Variants in TASP1 observed in about 807,000 individuals in gnomAD.
TASP1 encodes taspase 1.
In TASP1, 16 loss-of-function variants were observed where a neutral mutation model predicts 56.6. The observed-to-expected ratio is 0.28, with a 90% CI of 0.19 to 0.43. The LOEUF (loss-of-function observed/expected upper bound fraction) is 0.43. TASP1 is among the 20% of genes least tolerant of loss of function. The pLI is 1.00. For synonymous variants in TASP1, 179 were observed against 184.2 expected, an observed-to-expected ratio of 0.97 and a Z score of 0.23; for missense variants, 393 against 511.6, an observed-to-expected ratio of 0.77 and a Z score of 2.24.
chr20:13,543,017 A>G (rs187443636), intron 8 of TASP1, among the ~76,000 whole-genome samples: 58 of 152,324 alleles, frequency 3.8e-4, no homozygotes, highest in Admixed American at 1.4e-3. Context: ...AGAGACCAAA[A>G]AAGGCAAAGT....
At chr20:13,312,810 C>A in the TASP1 span, among the ~76,000 whole-genome samples, 2 of 152,194 alleles carry the variant, frequency 1.3e-5, no homozygotes, top group Admixed American at 6.5e-5. Context: ...AGGGAGTGGG[C>A]TTGCCATGAT....
At chr20:13,564,049 T>C (rs2046434321) in intron 7 of TASP1, among the ~76,000 whole-genome samples, 1 of 152,108 alleles carries the variant, frequency 6.6e-6, no homozygotes, top group South Asian at 2.1e-4. Flanking sequence ...TTAGAAGTAC[T>C]AGAACTAGAA....
intron 10 of TASP1, among the ~76,000 whole-genome samples, chr20:13,506,260 C>G (rs1209556651): frequency 6.6e-6 from 1 of 152,066 alleles, no homozygotes; most frequent in Non-Finnish European, 1.5e-5. Context: ...AATCAAGAAT[C>G]TCTCATCCAA....
At chr20:13,190,870 C>A in the TASP1 span, among the ~76,000 whole-genome samples, 1 of 151,854 alleles carries the variant, frequency 6.6e-6, no homozygotes, top group African/African-American at 2.4e-5. Context: ...ATATAAGGAA[C>A]TCAAATAACA....
chr20:13,142,582 A>G, the TASP1 span, among the ~76,000 whole-genome samples: 2 of 152,156 alleles, frequency 1.3e-5, no homozygotes, highest in Non-Finnish European at 2.9e-5. Context: ...TTTCTACATT[A>G]CGAATTACCA....
intron 1 of TASP1, among the ~76,000 whole-genome samples, 190 bp downstream of exon 1, chr20:13,638,704 C>T (rs751911765): frequency 1.3e-5 from 2 of 152,186 alleles, no homozygotes; most frequent in Non-Finnish European, 2.9e-5. Context: ...CCGCCTAGAG[C>T]GACCAAGACT....
At chr20:13,479,910 A>G (rs1007570803) in intron 11 of TASP1, among the ~76,000 whole-genome samples, 1 of 152,204 alleles carries the variant, frequency 6.6e-6, no homozygotes, top group Admixed American at 6.5e-5. Context: ...CCTTTTACAT[A>G]TGAGGAAATT....
chr20:13,153,427 C>G, the TASP1 span, among the ~76,000 whole-genome samples: 1 of 152,142 alleles, frequency 6.6e-6, no homozygotes, highest in African/African-American at 2.4e-5. Flanking sequence ...TCTTTCCTCC[C>G]TTCTATTAGT....
chr20:13,483,380 G>A (rs370466118), intron 10 of TASP1, 43 bp from the exon 11 acceptor site: 38 of 1,390,900 alleles, frequency 2.7e-5, no homozygotes, highest in Middle Eastern at 1.8e-4. Flanking sequence ...AAGCAGCACC[G>A]AACACCCTGC....
the TASP1 span, among the ~76,000 whole-genome samples, chr20:13,330,340 T>C: frequency 1.3e-5 from 2 of 152,222 alleles, no homozygotes; most frequent in African/African-American, 4.8e-5. Flanking sequence ...ATTACATTGA[T>C]TGATTTTTGA....
At position 13,391,694 on chromosome 20, in the gene TASP1, G is replaced by C. The variant is rs111425733; in HGVS notation, c.1171-1242C>G. Among the ~76,000 whole-genome samples, 405 of 152,252 alleles carry C rather than the reference G, an allele frequency of 2.7e-3. 1 individual carries two copies. Among genetic ancestry groups the C allele is most frequent in the Non-Finnish European group, 5.0e-3 (339 of 68,018 alleles). ...TGAAAGAAGTGAGCTTAGGCCGGGC[G>C]TGGTGGCTCACGCTTGTAATCCCAG... On this transcript the variant is annotated intron_variant, in intron 13 of 13. Coordinates refer to ENST00000337743, the MANE Select transcript of TASP1 (RefSeq NM_017714.3).
At chr20:13,153,472 T>A in the TASP1 span, among the ~76,000 whole-genome samples, 1 of 152,140 alleles carries the variant, frequency 6.6e-6, no homozygotes, top group Non-Finnish European at 1.5e-5. Context: ...AGCCCTAATC[T>A]CAGCAGGACT....
At position 13,429,134 on chromosome 20, in the gene TASP1, A is replaced by C. The variant is rs1437650691; in HGVS notation, c.1096+5910T>G. ...ATAACTGAGTTCAGAAAAAAGATTA[A>C]GAAGTGCTGGCCTATGAGAAGGGGC... is the stretch of plus-strand genomic sequence containing the variant. On this transcript the variant is annotated intron_variant, in intron 12 of 13. Transcript: ENST00000337743. Among the ~76,000 whole-genome samples the C allele has an allele frequency of 3.9e-5, 6 of 152,210 alleles. No homozygotes were observed. In the East Asian group the frequency reaches 1.2e-3, roughly 29 times the overall value.
At chr20:13,538,177 T>A (rs1343597763) in intron 8 of TASP1, among the ~76,000 whole-genome samples, 2 of 152,074 alleles carry the variant, frequency 1.3e-5, no homozygotes, top group East Asian at 1.9e-4. Flanking sequence ...AATTTTTTTG[T>A]ATTTTTAGTA....
intron 11 of TASP1, among the ~76,000 whole-genome samples, chr20:13,443,065 T>G (rs1222647445): frequency 6.6e-6 from 1 of 152,176 alleles, no homozygotes; most frequent in Non-Finnish European, 1.5e-5. Flanking sequence ...AAGATGCTAT[T>G]TAAACATTTG....
the TASP1 span, chr20:13,164,564 A>G: frequency 1.7e-6 from 1 of 597,964 alleles, no homozygotes; most frequent in Non-Finnish European, 3.0e-6. Context: ...AAAATTAATT[A>G]GCATCTAACA....
chr20:13,251,586 C>G, the TASP1 span, among the ~76,000 whole-genome samples: 1 of 152,100 alleles, frequency 6.6e-6, no homozygotes, highest in Admixed American at 6.5e-5. Flanking sequence ...AGGGGACCAG[C>G]GTGGTATGTG....
chr20:13,586,235 T>C lies in TASP1; in HGVS notation c.403+1015A>G, dbSNP rs78441493. ...GTCTACCAAAAGACATGTAAAATAA[T>C]ATTCACTGAAGCTTTACTCAAAAAA... On this transcript the variant is annotated intron_variant, in intron 5 of 13. Transcript: ENST00000337743. 1.0e-2 allele frequency among the ~76,000 whole-genome samples: 1,281 copies of C among 128,664 alleles called. 20 individuals are homozygous for C. Among genetic ancestry groups the C allele is most frequent in the African/African-American group, 0.035 (1,206 of 34,450 alleles). 84.4% of individuals were successfully genotyped at this position (128,664 alleles called of 152,430 possible). A position where few individuals can be genotyped will look rare whatever the true frequency, so the allele number is the denominator to read the frequency against.
chr20:13,566,262 C>T (rs2147116592), intron 7 of TASP1, among the ~76,000 whole-genome samples: 1 of 151,726 alleles, frequency 6.6e-6, no homozygotes, highest in South Asian at 2.1e-4. Context: ...AGTTCCATAA[C>T]AATAAGAAAA....
Sources: allele counts gnomAD v4.1 joint callset (sites outside exome capture counted in the v4.1 genomes callset), GRCh38; gene constraint gnomAD v4.1.1; transcripts MANE v1.5; gene names NCBI Gene and HGNC (gene_info 2026-07-23, HGNC 2026-07-21).